The following TSHZ1 variants were observed in gnomAD, a reference collection of about 807,000 sequenced individuals.
The protein encoded by TSHZ1 is teashirt zinc finger homeobox 1.
TSHZ1 carries 12 observed loss-of-function variants against 67.1 expected under a neutral mutation model. The observed-to-expected ratio is 0.18, with a 90% CI of 0.11 to 0.29. TSHZ1 has a LOEUF of 0.29. TSHZ1 is among the 10% of genes least tolerant of loss of function. The pLI, the probability that TSHZ1 is intolerant of heterozygous loss-of-function variation, is 1.00. For missense variants in TSHZ1, 1,305 were observed against 1,413.9 expected, an observed-to-expected ratio of 0.92 and a Z score of 1.23; for synonymous variants, 632 against 622.4, an observed-to-expected ratio of 1.02 and a Z score of -0.23.
At position 75,252,587 on chromosome 18, in the gene TSHZ1, T is replaced by G. The variant is rs2122569296; in HGVS notation, c.41-32861T>G. ...AATTGATTGTTTTATGTTTAAGTAT[T>G]TGATACATCTAAAATTAATTTTGGT... On this transcript the variant is annotated intron_variant, in intron 1 of 1. Coordinates refer to ENST00000580243, the MANE Select transcript of TSHZ1 (RefSeq NM_001308210.2). Among the ~76,000 whole-genome samples the G allele has an allele frequency of 1.3e-5, 2 of 152,314 alleles. 1 individual carries two copies. The highest frequency in any genetic ancestry group is 6.8e-3 in the Middle Eastern group (2 of 294).
chr18:75,230,997 A>G (rs2022991463), intron 1 of TSHZ1, among the ~76,000 whole-genome samples: 1 of 152,242 alleles, frequency 6.6e-6, no homozygotes, highest in Non-Finnish European at 1.5e-5. Context: ...CTTGTGGGGA[A>G]AAACCAAATA....
intron 1 of TSHZ1, among the ~76,000 whole-genome samples, chr18:75,255,457 A>G (rs928313936): frequency 2.6e-5 from 4 of 152,208 alleles, no homozygotes; most frequent in Non-Finnish European, 5.9e-5. Context: ...AATAACTTAT[A>G]TCTTCTAACC....
intron 1 of TSHZ1, among the ~76,000 whole-genome samples, chr18:75,279,039 G>C (rs1041689168): frequency 8.5e-5 from 13 of 152,170 alleles, no homozygotes; most frequent in African/African-American, 3.1e-4. Context: ...CAGACAAGAG[G>C]CCACTCTGAC....
At position 75,281,082 on chromosome 18, in the gene TSHZ1, CA is replaced by C. The variant is rs1300996898; in HGVS notation, c.41-4365del. On this transcript the variant is annotated intron_variant, in intron 1 of 1. Coordinates refer to ENST00000580243, the MANE Select transcript of TSHZ1 (RefSeq NM_001308210.2). The surrounding 1 kb of genome is among the most constrained non-coding windows in gnomAD (Gnocchi z 5.3). ...GAGGGTCCAGACGCCCTGCCTGGGA[CA>C]CGCAGCTTCAGCAAAGGCTTGCACT... Among the ~76,000 whole-genome samples, 1 of 152,188 alleles carries C rather than the reference CA, an allele frequency of 6.6e-6. No homozygotes were observed. The highest frequency in any genetic ancestry group is 1.9e-4 in the East Asian group (1 of 5,182).
At chr18:75,239,571 G>A (rs1240867246) in intron 1 of TSHZ1, among the ~76,000 whole-genome samples, 4 of 152,122 alleles carry the variant, frequency 2.6e-5, no homozygotes, top group Admixed American at 6.5e-5. Flanking sequence ...CACAATCATC[G>A]CTCACTGCAG....
chr18:75,270,420 C>T (rs1434897501), intron 1 of TSHZ1, among the ~76,000 whole-genome samples: 3 of 152,196 alleles, frequency 2.0e-5, no homozygotes, highest in East Asian at 1.9e-4. Flanking sequence ...CAAAGCATAA[C>T]GCTGGTTGAG....
intron 1 of TSHZ1, among the ~76,000 whole-genome samples, chr18:75,240,928 G>C (rs1056972876): frequency 1.3e-5 from 2 of 152,132 alleles, no homozygotes; most frequent in African/African-American, 4.8e-5. Context: ...GGCTCATTTG[G>C]GGGTGTTTGT....
At chr18:75,266,916 T>A (rs2023496549) in intron 1 of TSHZ1, among the ~76,000 whole-genome samples, 1 of 152,234 alleles carries the variant, frequency 6.6e-6, no homozygotes, top group African/African-American at 2.4e-5. Flanking sequence ...GCACCAAAAT[T>A]AAATTGCAGG....
At chr18:75,259,194 C>T (rs1233187799) in intron 1 of TSHZ1, among the ~76,000 whole-genome samples, 1 of 152,076 alleles carries the variant, frequency 6.6e-6, no homozygotes, top group African/African-American at 2.4e-5. Context: ...AAAAATAAGT[C>T]GCGATCATTG....
intron 1 of TSHZ1, among the ~76,000 whole-genome samples, chr18:75,222,816 T>A (rs781142459): frequency 5.1e-4 from 77 of 152,332 alleles, no homozygotes; most frequent in Middle Eastern, 3.4e-3. Context: ...AGCAATTTTC[T>A]GAAAGTAGGA....
In TSHZ1 at chr18:75,285,977, T is replaced by C. The variant is rs756185898; in HGVS notation, c.570T>C (p.Ser190=). 131 of 1,592,690 alleles carry C rather than the reference T, an allele frequency of 8.2e-5. No homozygotes were observed. The highest frequency in any genetic ancestry group is 1.1e-4 in the Non-Finnish European group (129 of 1,171,134). ...GCACCAGCCACAGCAGTACCACCAG[T>C]ACCAGCAGCAGCTCCGGGTACGACT... ...SSSTSHSSTT[S]TSSSSGYDWH... is the part of the protein sequence containing the mutation. The change falls in exon 2 of 2, where the codon AGT becomes AGC. Residue 190 remains serine, a synonymous_variant. Coordinates refer to ENST00000580243, the MANE Select transcript of TSHZ1 (RefSeq NM_001308210.2).
chr18:75,243,215 A>G (rs2023179473), intron 1 of TSHZ1, among the ~76,000 whole-genome samples: 1 of 152,062 alleles, frequency 6.6e-6, no homozygotes, highest in East Asian at 1.9e-4. Flanking sequence ...CTTTTGTATC[A>G]CCCCTGGGTA....
intron 1 of TSHZ1, among the ~76,000 whole-genome samples, chr18:75,222,144 C>T (rs777969343): frequency 4.6e-5 from 7 of 151,556 alleles, no homozygotes; most frequent in Admixed American, 1.3e-4. Context: ...TGTTGTGTAG[C>T]GGCGTGGCTT....
chr18:75,257,733 A>G lies in TSHZ1; in HGVS notation c.41-27715A>G, dbSNP rs560667712. Among the ~76,000 whole-genome samples the G allele has an allele frequency of 3.9e-5, 6 of 152,136 alleles. No individual in the cohort carries two copies. The South Asian group carries it at 1.2e-3, about 32-fold the overall frequency. On this transcript the variant is annotated intron_variant, in intron 1 of 1. Transcript: ENST00000580243. The stretch of plus-strand genomic sequence containing the variant: ...GGAAGCATCAGGCCAGAATGTTTGT[A>G]CGCGCCCTTCCTCCTCCTCATGGAT...
chr18:75,250,635 G>A (rs1208509657), intron 1 of TSHZ1, among the ~76,000 whole-genome samples: 1 of 152,244 alleles, frequency 6.6e-6, no homozygotes, highest in African/African-American at 2.4e-5. Flanking sequence ...AACTGAGCCC[G>A]GGAACGGCCT....
At chr18:75,214,356 A>G (rs1426888603) in intron 1 of TSHZ1, among the ~76,000 whole-genome samples, 1 of 152,210 alleles carries the variant, frequency 6.6e-6, no homozygotes, top group Non-Finnish European at 1.5e-5. Flanking sequence ...GGAGCCGTCG[A>G]TGTTTATAAT....
In TSHZ1 at chr18:75,281,272, C is replaced by G. The variant is rs1023714406; in HGVS notation, c.41-4176C>G. Among the ~76,000 whole-genome samples, 1 of 152,138 alleles carries G rather than the reference C, an allele frequency of 6.6e-6. No homozygotes were observed. The highest frequency in any genetic ancestry group is 6.5e-5 in the Admixed American group (1 of 15,272). On this transcript the variant is annotated intron_variant, in intron 1 of 1. Transcript: ENST00000580243. This position sits in a 1 kb window ranked among gnomAD's most constrained non-coding sequence, Gnocchi z 5.3. ...GAGGACCAGGAGGCTTTGAGGATGG[C>G]GCTGCTTTTCTGCCTCGGATACTCT...
At chr18:75,224,706 G>A (rs2022898012) in intron 1 of TSHZ1, among the ~76,000 whole-genome samples, 2 of 152,182 alleles carry the variant, frequency 1.3e-5, no homozygotes, top group Admixed American at 6.5e-5. Context: ...AAATTCAGAA[G>A]GTTGACTTTG....
intron 1 of TSHZ1, among the ~76,000 whole-genome samples, chr18:75,274,016 G>A (rs569490823): frequency 6.6e-6 from 1 of 152,262 alleles, no homozygotes; most frequent in African/African-American, 2.4e-5. Context: ...GGCCGGCGGC[G>A]CCTCCTCCTG....
Sources: allele counts gnomAD v4.1 joint callset (sites outside exome capture counted in the v4.1 genomes callset), GRCh38; gene constraint gnomAD v4.1.1; non-coding constraint Gnocchi (gnomAD v3.1); transcripts MANE v1.5; gene names NCBI Gene and HGNC (gene_info 2026-07-23, HGNC 2026-07-21).